The following LIN52 variants were observed in gnomAD, a reference collection of about 807,000 sequenced individuals.
LIN52 encodes the protein lin-52 DREAM MuvB core complex component, also known as protein lin-52 homolog.
A neutral mutation model predicts 18.5 loss-of-function variants in LIN52; 4 were observed. The observed-to-expected ratio is 0.22, with a 90% CI of 0.11 to 0.49. The LOEUF (loss-of-function observed/expected upper bound fraction) is 0.49. Among genes scored for constraint, LIN52 ranks in the 20% least tolerant of loss-of-function variants. The pLI, the probability that LIN52 is intolerant of heterozygous loss-of-function variation, is 0.97. For synonymous variants in LIN52, 34 were observed against 45.5 expected, an observed-to-expected ratio of 0.75 and a Z score of 1.02; for missense variants, 102 against 139.5, an observed-to-expected ratio of 0.73 and a Z score of 1.35.
intron 5 of LIN52, among the ~76,000 whole-genome samples, chr14:74,189,168 A>G (rs1349552110): frequency 2.6e-5 from 4 of 152,208 alleles, no homozygotes; most frequent in Admixed American, 1.3e-4. Flanking sequence ...TTGTTCTTCT[A>G]TCTTAACCTT....
chr14:74,096,740 G>A (rs1245185878), intron 3 of LIN52, among the ~76,000 whole-genome samples: 1 of 151,882 alleles, frequency 6.6e-6, no homozygotes, highest in Non-Finnish European at 1.5e-5. Flanking sequence ...TGAGCACCAA[G>A]AAAAAAATTA....
intron 5 of LIN52, among the ~76,000 whole-genome samples, chr14:74,127,995 C>G (rs750556551): frequency 6.6e-6 from 1 of 152,128 alleles, no homozygotes; most frequent in Non-Finnish European, 1.5e-5. Flanking sequence ...ATTGGAGGGA[C>G]CTCTGCTTTT....
intron 5 of LIN52, among the ~76,000 whole-genome samples, chr14:74,115,803 C>T (rs17096742): frequency 0.22 from 34,195 of 152,080 alleles, 4,176 homozygotes; most frequent in South Asian, 0.46. Context: ...ATCTTTTATC[C>T]GTTAGTCAAG....
rs1269385952 is a variant in LIN52, at chr14:74,119,875, G to A, written c.283+18637G>A. Among the ~76,000 whole-genome samples the A allele has an allele frequency of 4.1e-5, 6 of 146,046 alleles. No homozygotes were observed. In the East Asian group the frequency reaches 8.0e-4, roughly 19 times the overall value. On this transcript the variant is annotated intron_variant, in intron 5 of 5. Coordinates refer to ENST00000555028, the MANE Select transcript of LIN52 (RefSeq NM_001024674.3). ...TTTTAGATGGAGTTTCACTCTTGTC[G>A]CCCAGGCTGGAGTGCAATGGCACGA...
intron 5 of LIN52, among the ~76,000 whole-genome samples, chr14:74,172,276 G>C (rs1249044548): frequency 6.6e-6 from 1 of 152,168 alleles, no homozygotes; most frequent in Non-Finnish European, 1.5e-5. Context: ...TAGCAAAGCC[G>C]TTAAAACACA....
chr14:74,157,409 C>T (rs1286354609), intron 5 of LIN52, among the ~76,000 whole-genome samples: 3 of 151,398 alleles, frequency 2.0e-5, no homozygotes, highest in South Asian at 4.2e-4. Context: ...ACAGATACTT[C>T]TTTGAAAACA....
At chr14:74,186,865 G>A (rs1166403055) in intron 5 of LIN52, among the ~76,000 whole-genome samples, 2 of 152,142 alleles carry the variant, frequency 1.3e-5, no homozygotes, top group East Asian at 1.9e-4. Flanking sequence ...CATCACTGGA[G>A]GCCAGGAGTT....
chr14:74,099,616 G>A (rs903317977), intron 4 of LIN52, among the ~76,000 whole-genome samples: 2 of 151,636 alleles, frequency 1.3e-5, no homozygotes, highest in Admixed American at 6.6e-5. Flanking sequence ...GTGTATGTGT[G>A]TGCAAGAGAC....
At chr14:74,112,177 G>GCC (rs1210035921) in intron 5 of LIN52, among the ~76,000 whole-genome samples, 1 of 152,142 alleles carries the variant, frequency 6.6e-6, no homozygotes, top group South Asian at 2.1e-4. Context: ...ACAGCACCTG[G>GCC]CCCCTTCTTG....
At chr14:74,121,706 G>T (rs984244752) in intron 5 of LIN52, among the ~76,000 whole-genome samples, 3 of 149,804 alleles carry the variant, frequency 2.0e-5, no homozygotes, top group African/African-American at 7.4e-5. Context: ...AAGGAAAGAG[G>T]AAAACACACC....
chr14:74,094,192 G>T (rs554935157), intron 2 of LIN52, among the ~76,000 whole-genome samples: 2 of 151,078 alleles, frequency 1.3e-5, no homozygotes, highest in Non-Finnish European at 2.9e-5. Context: ...ATATTTCATT[G>T]TATGGATATA....
chr14:74,106,822 C>T (rs1455151022), intron 5 of LIN52, among the ~76,000 whole-genome samples: 4 of 152,206 alleles, frequency 2.6e-5, no homozygotes, highest in African/African-American at 7.2e-5. Context: ...GAACTTCTGT[C>T]CTCAAGTGAT....
chr14:74,093,562 A>G (rs1464341125), intron 2 of LIN52, among the ~76,000 whole-genome samples: 2 of 151,304 alleles, frequency 1.3e-5, no homozygotes, highest in Non-Finnish European at 3.0e-5. Context: ...CAGACCTCAG[A>G]TGATCTGCCT....
At chr14:74,154,638 T>C (rs2061191935) in intron 5 of LIN52, among the ~76,000 whole-genome samples, 1 of 152,206 alleles carries the variant, frequency 6.6e-6, no homozygotes, top group South Asian at 2.1e-4. Flanking sequence ...TCCTAAGAGC[T>C]TTATTTAATC....
chr14:74,090,128 C>T (rs1595142984), intron 1 of LIN52, among the ~76,000 whole-genome samples: 1 of 150,402 alleles, frequency 6.6e-6, no homozygotes, highest in Non-Finnish European at 1.5e-5. Flanking sequence ...AAACGATTCT[C>T]CTGCCTCATC....
chr14:74,152,900 C>T (rs2061182492), intron 5 of LIN52, among the ~76,000 whole-genome samples: 1 of 138,124 alleles, frequency 7.2e-6, no homozygotes, highest in Non-Finnish European at 1.5e-5. Flanking sequence ...GCAGAGGTTG[C>T]AGTGAGCTGA....
At chr14:74,176,213 A>G (rs1464668896) in intron 5 of LIN52, among the ~76,000 whole-genome samples, 1 of 152,078 alleles carries the variant, frequency 6.6e-6, no homozygotes, top group Non-Finnish European at 1.5e-5. Context: ...CCCAGGCTAG[A>G]GTGCAGTGGC....
At position 74,098,799 on chromosome 14, in the gene LIN52, C is replaced by T. The variant is rs141927074; in HGVS notation, c.199+939C>T. Among the ~76,000 whole-genome samples the T allele has an allele frequency of 9.7e-3, 1,475 of 152,190 alleles. 18 individuals are homozygous for T. The highest frequency in any genetic ancestry group is 0.029 in the African/African-American group (1,209 of 41,548). ...CTGACCTCCAGTGATCCACCCACCT[C>T]GGCCTCCCAGAGTGCTGGGATTACA... On this transcript the variant is annotated intron_variant, in intron 4 of 5. Coordinates refer to ENST00000555028, the MANE Select transcript of LIN52 (RefSeq NM_001024674.3).
intron 3 of LIN52, 89 bp from the exon 4 acceptor site, chr14:74,097,705 G>T (rs780317519): frequency 4.2e-6 from 4 of 941,320 alleles, no homozygotes; most frequent in Admixed American, 2.3e-5. Context: ...GGCAGCCACC[G>T]CATCCGGCCC....
Sources: gnomAD v4.1 joint callset for allele counts (sites outside exome capture counted in the v4.1 genomes callset) on GRCh38, gnomAD v4.1.1 for gene constraint, MANE v1.5 for transcripts, NCBI Gene and HGNC (gene_info 2026-07-23, HGNC 2026-07-21) for gene names.